Variants in PNLIP observed in about 807,000 individuals in gnomAD.
PNLIP encodes pancreatic lipase.
A neutral mutation model predicts 57.1 loss-of-function variants in PNLIP; 49 were observed. The observed-to-expected ratio is 0.86, with a 90% CI of 0.68 to 1.09. The LOEUF is 1.09. Ranked by LOEUF, PNLIP falls within the 50% of genes least tolerant of loss-of-function variation. The pLI is 0.00. For synonymous variants in PNLIP, 209 were observed against 200.4 expected, an observed-to-expected ratio of 1.04 and a Z score of -0.36; for missense variants, 503 against 570.2, an observed-to-expected ratio of 0.88 and a Z score of 1.20.
At position 116,553,726 on chromosome 10, in the gene PNLIP, G is replaced by T; in HGVS notation, c.460-1G>T. 2 of 1,599,354 alleles carry T rather than the reference G, an allele frequency of 1.3e-6. No homozygotes were observed. The highest frequency in any genetic ancestry group is 1.7e-6 in the Non-Finnish European group (2 of 1,166,822). On this transcript the variant is annotated splice_acceptor_variant, in intron 5 of 12. Coordinates refer to ENST00000369221, the MANE Select transcript of PNLIP (RefSeq NM_000936.4). LOFTEE classifies it high-confidence loss of function. Reference sequence around the variant, plus strand: ...TTCTGAAAAGGTTTTCTTTCCGACAGTCGGCGTTCGGTTACTCACCTTCCA... The same window carrying T: ...TTCTGAAAAGGTTTTCTTTCCGACATTCGGCGTTCGGTTACTCACCTTCCA...
At chr10:116,567,158 TTTTCTTTCTTTCTC>T (rs1847377357) in intron 12 of PNLIP, among the ~76,000 whole-genome samples, 1 of 150,640 alleles carries the variant, frequency 6.6e-6, no homozygotes, top group Admixed American at 6.6e-5. Flanking sequence ...TCTTTCTTTC[TTTTCTTTCTTTCTC>T]TTTCTTTCTT....
Position 116,567,785 on chromosome 10 carries a change from T to G in PNLIP, c.1385T>G (p.Leu462Arg). 2 of 1,613,032 alleles carry G rather than the reference T, an allele frequency of 1.2e-6. No homozygotes were observed. The highest frequency in any genetic ancestry group is 1.7e-6 in the Non-Finnish European group (2 of 1,178,954). ...ETVREEVLLT[L>R]TPC Reference sequence around the variant, plus strand: ...GTCAGGGAGGAAGTTCTGCTCACCCTCACACCGTGTTAGGAGACTACTGTT... The same window carrying G: ...GTCAGGGAGGAAGTTCTGCTCACCCGCACACCGTGTTAGGAGACTACTGTT... Residue 462 changes from leucine (L) to arginine (R), a missense_variant, in exon 13 of 13, where the codon CTC becomes CGC. Physicochemically the swap from Leu to Arg is moderately radical, Grantham distance 102. Transcript: ENST00000369221.
chr10:116,560,549 GC>G (rs1847303976), intron 11 of PNLIP, 25 bp downstream of exon 11: 3 of 766,176 alleles, frequency 3.9e-6, no homozygotes, highest in East Asian at 3.0e-5. Context: ...ATTGCTCTAT[GC>G]TTTTTTTTTT....
intron 4 of PNLIP, among the ~76,000 whole-genome samples, chr10:116,549,470 T>C (rs1847167084): frequency 6.6e-6 from 1 of 151,534 alleles, no homozygotes; most frequent in Non-Finnish European, 1.5e-5. Context: ...CAGAGCAAGA[T>C]TCCGTCTCAA....
Position 116,551,392 on chromosome 10 carries a change from T to G in PNLIP, c.459+160T>G, listed in dbSNP as rs975216670. 1.9e-4 allele frequency: 90 copies of G among 485,428 alleles called. No individual in the cohort carries two copies. The East Asian group carries it at 3.1e-3, about 17-fold the overall frequency. The allele number at this position is 485,428 out of a possible 1,614,324, so 30.1% of individuals were successfully genotyped here. A position where few individuals can be genotyped will look rare whatever the true frequency, so the allele number is the denominator to read the frequency against. On this transcript the variant is annotated intron_variant, in intron 5 of 12. Transcript: ENST00000369221. Reference sequence around the variant, plus strand: ...CTACAAAGAAAAATTAAAAAAAATCTAGCTTTGGGTTTCATCAATAACCCA... The same window carrying G: ...CTACAAAGAAAAATTAAAAAAAATCGAGCTTTGGGTTTCATCAATAACCCA...
chr10:116,566,207 A>G (rs1847365881), intron 12 of PNLIP, among the ~76,000 whole-genome samples: 1 of 152,234 alleles, frequency 6.6e-6, no homozygotes, highest in African/African-American at 2.4e-5. Context: ...GTCTGTCCAT[A>G]CAATGGAATA....
intron 5 of PNLIP, 167 bp downstream of exon 5, chr10:116,551,399 G>C: frequency 2.2e-6 from 1 of 457,488 alleles, no homozygotes; most frequent in Middle Eastern, 6.0e-4. Flanking sequence ...ATCTAGCTTT[G>C]GGTTTCATCA....
chr10:116,559,673 A>G (rs1392351036), intron 10 of PNLIP, among the ~76,000 whole-genome samples: 1 of 152,180 alleles, frequency 6.6e-6, no homozygotes, highest in Non-Finnish European at 1.5e-5. Flanking sequence ...GACAGATTTA[A>G]GAGACGTTTA....
intron 4 of PNLIP, among the ~76,000 whole-genome samples, chr10:116,548,725 T>A (rs1177485534): frequency 1.3e-5 from 2 of 152,204 alleles, no homozygotes; most frequent in African/African-American, 4.8e-5. Context: ...ATTTAATAAC[T>A]GATATGGAGG....
At chr10:116,567,470 G>T (rs1004288217) in intron 12 of PNLIP, among the ~76,000 whole-genome samples, 2 of 152,216 alleles carry the variant, frequency 1.3e-5, no homozygotes, top group Admixed American at 6.5e-5. Context: ...TTCAGTGACT[G>T]CTCATGACAA....
At chr10:116,558,293 G>C (rs1368684162) in intron 9 of PNLIP, among the ~76,000 whole-genome samples, 2 of 150,922 alleles carry the variant, frequency 1.3e-5, no homozygotes, top group Non-Finnish European at 2.9e-5. Context: ...CACCTCTTGG[G>C]TTCACACCAT....
At position 116,547,285 on chromosome 10, in the gene PNLIP, G is replaced by A; in HGVS notation, c.47-9G>A. 1 of 1,613,458 alleles carries A rather than the reference G, an allele frequency of 6.2e-7. No individual in the cohort carries two copies. The highest frequency in any genetic ancestry group is 8.5e-7 in the Non-Finnish European group (1 of 1,179,450). On this transcript the variant is annotated splice_polypyrimidine_tract_variant and intron_variant, in intron 2 of 12. Transcript: ENST00000369221. ...TTTGTAAAACTAATATCCTTCTGGG[G>A]GATTGCAGGAAAAGAAGTTTGCTAC... is the stretch of plus-strand genomic sequence containing the variant.
At chr10:116,566,451 T>C (rs1199847719) in intron 12 of PNLIP, among the ~76,000 whole-genome samples, 1 of 151,806 alleles carries the variant, frequency 6.6e-6, no homozygotes, top group Non-Finnish European at 1.5e-5. Flanking sequence ...AGAAAGAAAA[T>C]TGGGGGATGA....
intron 12 of PNLIP, among the ~76,000 whole-genome samples, chr10:116,564,893 A>G (rs1459020061): frequency 6.6e-6 from 1 of 152,176 alleles, no homozygotes; most frequent in Non-Finnish European, 1.5e-5. Context: ...AAGTAATGAA[A>G]CAAAGGATAA....
chr10:116,559,027 T>C, intron 9 of PNLIP, 127 bp from the exon 10 acceptor site: 2 of 1,136,468 alleles, frequency 1.8e-6, no homozygotes, highest in African/African-American at 3.2e-5. Context: ...GAGACACTAT[T>C]AAAGTCCCCA....
chr10:116,558,844 C>T (rs771418291), intron 9 of PNLIP, among the ~76,000 whole-genome samples: 3 of 151,772 alleles, frequency 2.0e-5, no homozygotes, highest in Non-Finnish European at 4.4e-5. Flanking sequence ...AGGCTGGTCT[C>T]GAACTCCTGA....
chr10:116,560,287 A>T, intron 10 of PNLIP, 129 bp from the exon 11 acceptor site: 1 of 551,414 alleles, frequency 1.8e-6, no homozygotes, highest in East Asian at 3.0e-5. Context: ...ACACACACAC[A>T]CACACACACA....
chr10:116,548,331 T>C (rs947168851), intron 3 of PNLIP, 29 bp from the exon 4 acceptor site: 2 of 1,611,474 alleles, frequency 1.2e-6, no homozygotes, highest in Non-Finnish European at 1.7e-6. Context: ...TATAGGAAAC[T>C]GACATGAAAC....
intron 12 of PNLIP, among the ~76,000 whole-genome samples, chr10:116,565,415 T>G (rs1236660000): frequency 6.6e-6 from 1 of 151,924 alleles, no homozygotes; most frequent in Non-Finnish European, 1.5e-5. Context: ...CCCACTGTAT[T>G]TTTTAAAACT....
Sources: allele counts gnomAD v4.1 joint callset (sites outside exome capture counted in the v4.1 genomes callset), GRCh38; gene constraint gnomAD v4.1.1; transcripts MANE v1.5; gene names NCBI Gene and HGNC (gene_info 2026-07-23, HGNC 2026-07-21).